PAPPA: variants seen among roughly 807,000 people sequenced by gnomAD.
PAPPA encodes the protein pappalysin 1, also known as pappalysin-1.
In PAPPA, 60 loss-of-function variants were observed where a neutral mutation model predicts 164.0. That is an observed-to-expected ratio of 0.37 (90% CI 0.30 to 0.45). The LOEUF (loss-of-function observed/expected upper bound fraction) is 0.45. Among genes scored for constraint, PAPPA ranks in the 20% least tolerant of loss-of-function variants. The probability of loss-of-function intolerance (pLI) is 1.00; values close to 1 mark genes in which losing one functional copy is unlikely to be tolerated. For synonymous variants in PAPPA, 875 were observed against 814.1 expected, an observed-to-expected ratio of 1.07 and a Z score of -1.27; for missense variants, 1,782 against 2,087.3, an observed-to-expected ratio of 0.85 and a Z score of 2.85.
chr9:116,358,139 G>A (rs1372745341), intron 17 of PAPPA, among the ~76,000 whole-genome samples: 3 of 152,138 alleles, frequency 2.0e-5, no homozygotes, highest in Non-Finnish European at 1.5e-5. Context: ...TGATGTTAGA[G>A]CTAGGCAGGA....
intron 9 of PAPPA, among the ~76,000 whole-genome samples, chr9:116,294,925 A>G (rs1278574021): frequency 6.6e-6 from 1 of 152,206 alleles, no homozygotes; most frequent in Admixed American, 6.5e-5. Flanking sequence ...TCCTATCTTT[A>G]TTTGCAAGAA....
At chr9:116,278,575 C>T (rs2118839100) in intron 9 of PAPPA, among the ~76,000 whole-genome samples, 1 of 152,216 alleles carries the variant, frequency 6.6e-6, no homozygotes, top group Non-Finnish European at 1.5e-5. Context: ...AAGCTCATAC[C>T]CCCAATGGAG....
At chr9:116,307,600 A>G (rs1845663126) in intron 10 of PAPPA, among the ~76,000 whole-genome samples, 1 of 152,160 alleles carries the variant, frequency 6.6e-6, no homozygotes, top group South Asian at 2.1e-4. Context: ...AATCCATCTC[A>G]AGAAAAATAA....
At chr9:116,299,441 G>A (rs1845551775) in intron 9 of PAPPA, among the ~76,000 whole-genome samples, 1 of 152,012 alleles carries the variant, frequency 6.6e-6, no homozygotes, top group Non-Finnish European at 1.5e-5. Context: ...ACATAATCAG[G>A]AAGAAATTAG....
At chr9:116,242,177 A>AG (rs1193708173) in intron 7 of PAPPA, among the ~76,000 whole-genome samples, 1 of 152,064 alleles carries the variant, frequency 6.6e-6, no homozygotes, top group Non-Finnish European at 1.5e-5. Flanking sequence ...CACGGGGGGC[A>AG]GGGGGGCTGT....
chr9:116,197,445 A>G (rs1299628539), intron 2 of PAPPA, among the ~76,000 whole-genome samples: 1 of 152,240 alleles, frequency 6.6e-6, no homozygotes, highest in African/African-American at 2.4e-5. Flanking sequence ...ATATTTCTCA[A>G]GTCCCAGCAG....
At chr9:116,343,584 A>C (rs1329202679) in intron 13 of PAPPA, among the ~76,000 whole-genome samples, 3 of 152,188 alleles carry the variant, frequency 2.0e-5, no homozygotes, top group Non-Finnish European at 4.4e-5. Flanking sequence ...GTTATCTTAC[A>C]GTTTATAAAA....
chr9:116,364,383 G>A (rs1487726683), intron 18 of PAPPA, among the ~76,000 whole-genome samples: 3 of 152,028 alleles, frequency 2.0e-5, no homozygotes, highest in Admixed American at 1.3e-4. Flanking sequence ...ACATTCACAC[G>A]TGCATACATA....
At chr9:116,216,764 C>T (rs1049499228) in intron 4 of PAPPA, among the ~76,000 whole-genome samples, 4 of 151,900 alleles carry the variant, frequency 2.6e-5, no homozygotes, top group East Asian at 1.9e-4. Flanking sequence ...TTTTTTGAGG[C>T]GGAGTCTTAC....
intron 7 of PAPPA, among the ~76,000 whole-genome samples, chr9:116,264,826 C>A (rs552968629): frequency 2.2e-4 from 33 of 152,112 alleles, no homozygotes; most frequent in African/African-American, 7.7e-4. Context: ...TGAAAATTGT[C>A]AAAAAGGACA....
intron 10 of PAPPA, among the ~76,000 whole-genome samples, chr9:116,312,742 T>C (rs558639552): frequency 4.9e-4 from 75 of 152,320 alleles, no homozygotes; most frequent in Middle Eastern, 6.8e-3. Flanking sequence ...AGACTGGGTA[T>C]GTTACCTGTA....
chr9:116,160,510 C>T (rs1587933615), intron 1 of PAPPA, among the ~76,000 whole-genome samples: 3 of 152,196 alleles, frequency 2.0e-5, no homozygotes, highest in Non-Finnish European at 4.4e-5. Context: ...ATGTGTGTTC[C>T]TATTACTTCA....
chr9:116,276,118 T>C (rs1210088469), intron 9 of PAPPA, among the ~76,000 whole-genome samples: 1 of 152,188 alleles, frequency 6.6e-6, no homozygotes, highest in Middle Eastern at 3.2e-3. Context: ...ATCAGTAAAA[T>C]GATAACTCTC....
intron 19 of PAPPA, among the ~76,000 whole-genome samples, chr9:116,375,882 T>C (rs2118679061): frequency 6.6e-6 from 1 of 152,364 alleles, no homozygotes; most frequent in Non-Finnish European, 1.5e-5. Context: ...CTTCCATAGT[T>C]GGTTGTTCAC....
Position 116,207,732 on chromosome 9 carries a change from A to G in PAPPA, c.1624+131A>G, listed in dbSNP as rs1173895950. On this transcript the variant is annotated intron_variant, in intron 3 of 21. Transcript: ENST00000328252. The stretch of plus-strand genomic sequence containing the variant: ...AGGGTGAACAACCGATTTATTTATC[A>G]CTTTTTAATTTACAAAATTCTTTAG... The G allele has an allele frequency of 7.7e-6, 5 of 651,952 alleles. No homozygotes were observed. In the East Asian group the frequency reaches 9.3e-5, roughly 12 times the overall value. The allele number at this position is 651,952 out of a possible 1,614,324, so 40.4% of individuals were successfully genotyped here.
rs555464343 is a variant in PAPPA, at chr9:116,214,372, A to G, written c.1918+2440A>G. Among the ~76,000 whole-genome samples the G allele has an allele frequency of 5.9e-5, 9 of 152,336 alleles. No homozygotes were observed. In the South Asian group the frequency reaches 8.3e-4, roughly 14 times the overall value. ...TCCCCACAGTAGCCCAAGGAGGTGC[A>G]CAAGTTTTACAGATGCAGAAAATGT... On this transcript the variant is annotated intron_variant, in intron 4 of 21. Transcript: ENST00000328252.
At chr9:116,392,959 A>G (rs894725603) in intron 21 of PAPPA, among the ~76,000 whole-genome samples, 4 of 152,052 alleles carry the variant, frequency 2.6e-5, no homozygotes, top group African/African-American at 7.2e-5. Context: ...CCTGAGACCA[A>G]CCCTCCTAGG....
chr9:116,327,356 G>A (rs1273022688), intron 10 of PAPPA, among the ~76,000 whole-genome samples: 1 of 152,164 alleles, frequency 6.6e-6, no homozygotes, highest in Non-Finnish European at 1.5e-5. Flanking sequence ...TGTGCAGATT[G>A]GGAAGGGGGA....
At chr9:116,232,120 C>T (rs529285984) in intron 6 of PAPPA, among the ~76,000 whole-genome samples, 6 of 152,186 alleles carry the variant, frequency 3.9e-5, no homozygotes, top group South Asian at 4.2e-4. Flanking sequence ...AGTAGCTCTT[C>T]GTCTATTTCA....
Sources: gnomAD v4.1 joint callset for allele counts (sites outside exome capture counted in the v4.1 genomes callset) on GRCh38, gnomAD v4.1.1 for gene constraint, MANE v1.5 for transcripts, NCBI Gene and HGNC (gene_info 2026-07-23, HGNC 2026-07-21) for gene names.